FANCA: variants seen among roughly 807,000 people sequenced by gnomAD.
FANCA encodes the protein FA complementation group A.
Under a neutral mutation model 194.3 loss-of-function variants are expected in FANCA, and 236 were observed. The ratio of observed to expected loss-of-function variants is 1.21; its 90% CI spans 1.09 to 1.35. The LOEUF is 1.35. Among genes scored for constraint, FANCA ranks in the 40% most tolerant of loss-of-function variants. The probability of loss-of-function intolerance (pLI) is 0.00; values close to 1 mark genes in which losing one functional copy is unlikely to be tolerated. For synonymous variants in FANCA, 1,014 were observed against 715.8 expected (o/e 1.42, Z -6.65); for missense variants, 2,628 against 1,813.9 (o/e 1.45, Z -8.15).
At chr16:89,777,203 G>A (rs1363041820) in intron 20 of FANCA, among the ~76,000 whole-genome samples, 2 of 151,904 alleles carry the variant, frequency 1.3e-5, no homozygotes, top group Non-Finnish European at 1.5e-5. Context: ...GGCGGAGGGG[G>A]AAGGATTGTT....
At chr16:89,778,896 T>A in intron 19 of FANCA, 46 bp from the exon 20 acceptor site, 1 of 1,613,978 alleles carries the variant, frequency 6.2e-7, no homozygotes, top group Non-Finnish European at 8.5e-7. Flanking sequence ...AGGAAAGTCC[T>A]TGCTTTCTAC....
At chr16:89,759,332 A>AAAAAAAAAAAAAAAAAAAAAG (rs2038869567) in intron 29 of FANCA, among the ~76,000 whole-genome samples, 1 of 146,208 alleles carries the variant, frequency 6.8e-6, no homozygotes, top group Admixed American at 6.9e-5. Context: ...AAAAAAAAAA[A>AAAAAAAAAAAAAAAAAAAAAG]AAAAAAAAAA....
intron 42 of FANCA, 57 bp downstream of exon 42, chr16:89,738,825 G>C: frequency 1.2e-6 from 2 of 1,614,088 alleles, no homozygotes; most frequent in Non-Finnish European, 1.7e-6. Context: ...ACATGGCCCA[G>C]GCAGCTGTCA....
At chr16:89,791,603 T>C (rs1168360462) in intron 13 of FANCA, 67 bp from the exon 14 acceptor site, 2 of 1,602,026 alleles carry the variant, frequency 1.2e-6, no homozygotes, top group Admixed American at 1.7e-5. Context: ...ACGTGAGTTA[T>C]GCTGGGTGAT....
intron 14 of FANCA, among the ~76,000 whole-genome samples, chr16:89,790,767 C>T (rs977904795): frequency 6.6e-6 from 1 of 151,636 alleles, no homozygotes; most frequent in Non-Finnish European, 1.5e-5. Flanking sequence ...AAATAAGAGA[C>T]ATTGTATACT....
intron 30 of FANCA, among the ~76,000 whole-genome samples, chr16:89,753,048 T>C (rs919420932): frequency 2.0e-5 from 3 of 152,226 alleles, no homozygotes; most frequent in Non-Finnish European, 4.4e-5. Context: ...TGTTCCATCC[T>C]GTACACCTGG....
At position 89,738,358 on chromosome 16, in the gene FANCA, G is replaced by C; in HGVS notation, c.*243C>G. The stretch of plus-strand genomic sequence containing the variant: ...GGGTCGGAGGGTGCTGCCCGCCCTT[G>C]GTGCTGGAGGCGGGCTTGGTGTCCG... On this transcript the variant is annotated 3_prime_UTR_variant, in exon 43 of 43. Transcript: ENST00000389301. 1 of 1,462,638 alleles carries C rather than the reference G, an allele frequency of 6.8e-7. No individual in the cohort carries two copies. Among genetic ancestry groups the C allele is most frequent in the Non-Finnish European group, 9.1e-7 (1 of 1,098,710 alleles). The allele number at this position is 1,462,638 out of a possible 1,614,324, so 90.6% of individuals were successfully genotyped here.
chr16:89,816,105 C>CG, intron 1 of FANCA, 119 bp from the exon 2 acceptor site: 1 of 765,554 alleles, frequency 1.3e-6, no homozygotes. Flanking sequence ...GAAGAGGGGC[C>CG]GGGGCTCCTC....
intron 21 of FANCA, 123 bp downstream of exon 21, chr16:89,775,619 C>T: frequency 1.3e-6 from 1 of 763,688 alleles, no homozygotes; most frequent in Non-Finnish European, 2.3e-6. Flanking sequence ...GTACCCAAAG[C>T]ACCGGCTTGA....
intron 29 of FANCA, 56 bp from the exon 30 acceptor site, chr16:89,758,761 C>T: frequency 8.7e-6 from 14 of 1,605,324 alleles, no homozygotes; most frequent in Non-Finnish European, 1.1e-5. Context: ...CCAGCGGTTC[C>T]CCATAACCAG....
At chr16:89,775,300 G>A (rs2039462631) in intron 21 of FANCA, among the ~76,000 whole-genome samples, 1 of 152,142 alleles carries the variant, frequency 6.6e-6, no homozygotes, top group Admixed American at 6.5e-5. Flanking sequence ...CTGCACCACT[G>A]CTCCCCACAG....
intron 33 of FANCA, 90 bp downstream of exon 33, chr16:89,748,569 C>T (rs1001352736): frequency 1.9e-5 from 19 of 995,768 alleles, no homozygotes; most frequent in Middle Eastern, 2.0e-4. Flanking sequence ...GTAATTCACA[C>T]GGTCAGTACA....
At chr16:89,781,795 C>G (rs7206317) in intron 17 of FANCA, among the ~76,000 whole-genome samples, 18,655 of 149,388 alleles carry the variant, frequency 0.12, 1,557 homozygotes, top group Middle Eastern at 0.32. Context: ...GTCAGGAGAT[C>G]GAGACCATAC....
chr16:89,753,422 G>A (rs1343368108), intron 30 of FANCA, among the ~76,000 whole-genome samples: 1 of 152,056 alleles, frequency 6.6e-6, no homozygotes, highest in Non-Finnish European at 1.5e-5. Flanking sequence ...CCGCACACAG[G>A]GAGAGACCCA....
intron 14 of FANCA, 82 bp downstream of exon 14, chr16:89,791,321 A>G (rs2143524822): frequency 6.5e-7 from 1 of 1,548,956 alleles, no homozygotes; most frequent in Non-Finnish European, 8.8e-7. Flanking sequence ...ATGACAGAGA[A>G]TCAGGTGGGG....
chr16:89,744,800 G>T, intron 36 of FANCA, 159 bp downstream of exon 36: 1 of 713,388 alleles, frequency 1.4e-6, no homozygotes, highest in Non-Finnish European at 2.5e-6. Flanking sequence ...GGGATTACAG[G>T]CGCCCACCAC....
chr16:89,746,810 G>T, intron 34 of FANCA, 21 bp downstream of exon 34: 1 of 1,571,114 alleles, frequency 6.4e-7, no homozygotes, highest in Non-Finnish European at 8.6e-7. Flanking sequence ...GGCCACGAGA[G>T]GGGCTGAGGG....
chr16:89,794,107 G>C (rs1416035139), intron 11 of FANCA, among the ~76,000 whole-genome samples: 2 of 151,832 alleles, frequency 1.3e-5, no homozygotes, highest in Admixed American at 6.6e-5. Context: ...TACTTTTTCA[G>C]TTATTAAAGT....
intron 15 of FANCA, among the ~76,000 whole-genome samples, chr16:89,783,875 T>C (rs1474012331): frequency 6.7e-6 from 1 of 150,372 alleles, no homozygotes; most frequent in Non-Finnish European, 1.5e-5. Context: ...GCAACTCTCC[T>C]GCCTCAGCCT....
Sources: gnomAD v4.1 joint callset for allele counts (sites outside exome capture counted in the v4.1 genomes callset) on GRCh38, gnomAD v4.1.1 for gene constraint, MANE v1.5 for transcripts, NCBI Gene and HGNC (gene_info 2026-07-23, HGNC 2026-07-21) for gene names.